The following MS4A10 variants were observed in gnomAD, a reference collection of about 807,000 sequenced individuals.
MS4A10 encodes membrane spanning 4-domains A10.
In MS4A10, 27 loss-of-function variants were observed where a neutral mutation model predicts 27.7. The ratio of observed to expected loss-of-function variants is 0.98; its 90% confidence interval spans 0.72 to 1.35. The LOEUF (loss-of-function observed/expected upper bound fraction) is 1.35. Among genes scored for constraint, MS4A10 ranks in the 40% most tolerant of loss-of-function variants. The probability of loss-of-function intolerance (pLI) is 0.00; values close to 1 mark genes in which losing one functional copy is unlikely to be tolerated. For missense variants in MS4A10, 338 were observed against 324.7 expected, an observed-to-expected ratio of 1.04 and a Z score of -0.32; for synonymous variants, 139 against 131.2, an observed-to-expected ratio of 1.06 and a Z score of -0.41.
At chr11:60,786,632 AG>A (rs1565079391) in intron 1 of MS4A10, among the ~76,000 whole-genome samples, 1 of 151,678 alleles carries the variant, frequency 6.6e-6, no homozygotes, top group African/African-American at 2.4e-5. Context: ...CCCTGTAAGC[AG>A]GATGCAGATG....
intron 1 of MS4A10, among the ~76,000 whole-genome samples, chr11:60,786,189 G>GCA (rs552507721): frequency 0.074 from 9,428 of 127,214 alleles, 306 homozygotes; most frequent in African/African-American, 0.13. Flanking sequence ...ACACACACAC[G>GCA]CACACACACA....
At chr11:60,797,353 A>G (rs180775432) in intron 6 of MS4A10, among the ~76,000 whole-genome samples, 1 of 152,326 alleles carries the variant, frequency 6.6e-6, no homozygotes, top group African/African-American at 2.4e-5. Context: ...GTGGCTTAAA[A>G]TGACACCTGT....
intron 5 of MS4A10, among the ~76,000 whole-genome samples, chr11:60,794,965 G>A (rs503358): frequency 9.2e-4 from 140 of 152,256 alleles, no homozygotes; most frequent in Middle Eastern, 3.4e-3. Context: ...GATTACAGGC[G>A]TGAGCCACCA....
At chr11:60,792,122 G>A (rs1205517128) in intron 3 of MS4A10, 143 bp from the exon 4 acceptor site, 11 of 680,832 alleles carry the variant, frequency 1.6e-5, no homozygotes, top group Non-Finnish European at 2.6e-5. Flanking sequence ...GGCAAGAGGA[G>A]CTCACTTTGC....
intron 4 of MS4A10, among the ~76,000 whole-genome samples, 193 bp from the exon 5 acceptor site, chr11:60,793,779 C>T (rs532757886): frequency 6.6e-6 from 1 of 152,304 alleles, no homozygotes; most frequent in South Asian, 2.1e-4. Context: ...CCTCAGTGGT[C>T]ACACAGGAGC....
chr11:60,795,653 C>T lies in MS4A10; in HGVS notation c.591C>T (p.Cys197=), dbSNP rs1202731064. Residue 197 remains cysteine, a synonymous_variant, in exon 6 of 8, where the codon TGC becomes TGT. Transcript: ENST00000308287. ...CTGTCACAGCCTGGAGAGGGGACTGCCCATCTGCAAAGGTAAGACAAGGGC... is the reference window on the plus strand; with the variant it reads ...CTGTCACAGCCTGGAGAGGGGACTGTCCATCTGCAAAGGTAAGACAAGGGC... ...PTAVTAWRGD[C]PSAKNDDACL... is the part of the protein sequence containing the mutation. 4 of 1,578,666 alleles carry T rather than the reference C, an allele frequency of 2.5e-6. No individual in the cohort carries two copies. Among genetic ancestry groups the T allele is most frequent in the Non-Finnish European group, 3.4e-6 (4 of 1,162,632 alleles).
At position 60,790,480 on chromosome 11, in the gene MS4A10, A is replaced by G; in HGVS notation, c.145A>G (p.Lys49Glu). Reference sequence around the variant, plus strand: ...GCTCCTGGCTCCACACCAGCACGAGAAGTCCCAGAAGAAGAGCAGCCTTCT... The same window carrying G: ...GCTCCTGGCTCCACACCAGCACGAGGAGTCCCAGAAGAAGAGCAGCCTTCT... ...PKLLAPHQHE[K>E]SQKKSSLLKE... is the part of the protein sequence containing the mutation. Residue 49 changes from lysine to glutamate, a missense_variant, in exon 2 of 8, where the codon AAG becomes GAG. Coordinates refer to ENST00000308287, the MANE Select transcript of MS4A10 (RefSeq NM_206893.4). The G allele has an allele frequency of 6.2e-7, 1 of 1,614,150 alleles. No homozygotes were observed. The highest frequency in any genetic ancestry group is 8.5e-7 in the Non-Finnish European group (1 of 1,180,024).
Position 60,794,027 on chromosome 11 carries a change from T to C in MS4A10, c.416T>C (p.Leu139Pro), listed in dbSNP as rs1854479083. ...LISLFCVLSG[L>P]FVISKDLFLE... ...AGCCTCTTTTGCGTGCTGTCTGGCC[T>C]CTTCGTCATCTCCAAGGATCTCTTT... Residue 139 changes from leucine to proline, a missense_variant, in exon 5 of 8, where the codon CTC (leucine) becomes CCC (proline). Leu to Pro is a moderately conservative substitution (Grantham distance 98). Coordinates refer to ENST00000308287, the MANE Select transcript of MS4A10 (RefSeq NM_206893.4). The C allele has an allele frequency of 3.7e-6, 6 of 1,614,186 alleles. No individual in the cohort carries two copies. In the Middle Eastern group the frequency reaches 5.0e-4, roughly 133 times the overall value.
intron 6 of MS4A10, 48 bp downstream of exon 6, chr11:60,795,713 A>T: frequency 3.2e-6 from 4 of 1,234,590 alleles, no homozygotes; most frequent in Non-Finnish European, 4.4e-6. Context: ...TGGGGGCATG[A>T]GGCAGCAGAG....
At chr11:60,793,275 C>G (rs1854462232) in intron 4 of MS4A10, among the ~76,000 whole-genome samples, 1 of 152,210 alleles carries the variant, frequency 6.6e-6, no homozygotes, top group Admixed American at 6.5e-5. Flanking sequence ...CCAGACCTCA[C>G]CCTCCTGGGC....
intron 4 of MS4A10, among the ~76,000 whole-genome samples, chr11:60,793,645 G>T (rs1314744288): frequency 6.6e-6 from 1 of 152,214 alleles, no homozygotes; most frequent in Non-Finnish European, 1.5e-5. Context: ...ATGTAGGATG[G>T]TCGGGGCTGG....
chr11:60,799,553 C>T (rs1303860976), intron 7 of MS4A10, among the ~76,000 whole-genome samples: 1 of 152,200 alleles, frequency 6.6e-6, no homozygotes, highest in African/African-American at 2.4e-5. Context: ...GTCTCACCCA[C>T]TGCTTCCCTT....
chr11:60,794,214 G>C, intron 5 of MS4A10, 111 bp downstream of exon 5: 2 of 1,320,988 alleles, frequency 1.5e-6, no homozygotes, highest in Non-Finnish European at 2.1e-6. Context: ...CCCAGGTGTG[G>C]GCTGCTGGGC....
chr11:60,799,732 G>T, intron 7 of MS4A10, 96 bp from the exon 8 acceptor site: 1 of 713,764 alleles, frequency 1.4e-6, no homozygotes, highest in Non-Finnish European at 2.6e-6. Context: ...CACTGACTCT[G>T]AGCCAAGTAA....
rs754924927 is a variant in MS4A10 at position 60,791,048 on chromosome 11, C to A, written c.258C>A (p.His86Gln). 1 of 1,614,160 alleles carries A rather than the reference C, an allele frequency of 6.2e-7. No homozygotes were observed. Among genetic ancestry groups the A allele is most frequent in the Non-Finnish European group, 8.5e-7 (1 of 1,180,018 alleles). ...GYLASIVKNL[H>Q]LVVLKSWYPF... ...TGGCCTCTATAGTCAAGAACCTTCA[C>A]CTGGTGGTGCTGAAGTCTTGGTATC... Residue 86 changes from histidine to glutamine, a missense_variant, in exon 3 of 8, where the codon CAC becomes CAA. His to Gln is a conservative substitution (Grantham distance 24). Coordinates refer to ENST00000308287, the MANE Select transcript of MS4A10 (RefSeq NM_206893.4).
At chr11:60,794,281 C>G (rs138353965) in intron 5 of MS4A10, among the ~76,000 whole-genome samples, 178 bp downstream of exon 5, 45 of 152,326 alleles carry the variant, frequency 3.0e-4, no homozygotes, top group Middle Eastern at 6.8e-3. Context: ...GGGTGCTGGG[C>G]TGCTGACTGG....
intron 1 of MS4A10, among the ~76,000 whole-genome samples, chr11:60,786,990 C>T (rs1301104089): frequency 1.3e-5 from 2 of 152,210 alleles, no homozygotes; most frequent in South Asian, 2.1e-4. Flanking sequence ...CAACTTCCAG[C>T]GCTCAGGGCC....
chr11:60,791,215 G>A (rs1241699469), intron 3 of MS4A10, 122 bp downstream of exon 3: 35 of 1,304,290 alleles, frequency 2.7e-5, no homozygotes, highest in East Asian at 9.5e-5. Flanking sequence ...CGGCAGAAGC[G>A]AGGCCCTTTC....
intron 1 of MS4A10, among the ~76,000 whole-genome samples, chr11:60,789,221 A>G (rs867136648): frequency 6.6e-6 from 1 of 152,188 alleles, no homozygotes; most frequent in Admixed American, 6.5e-5. Flanking sequence ...TTCATCCAGG[A>G]TACAGTCTGA....
Sources: gnomAD v4.1 joint callset for allele counts (sites outside exome capture counted in the v4.1 genomes callset) on GRCh38, gnomAD v4.1.1 for gene constraint, MANE v1.5 for transcripts, NCBI Gene and HGNC (gene_info 2026-07-23, HGNC 2026-07-21) for gene names.